The following ZNF432 variants were observed in gnomAD, a reference collection of about 807,000 sequenced individuals.
The protein encoded by ZNF432 is zinc finger protein 432.
ZNF432 carries 10 observed loss-of-function variants against 13.9 expected under a neutral mutation model. That is an observed-to-expected ratio of 0.72 (90% CI 0.44 to 1.22). ZNF432 has a LOEUF of 1.22. Ranked by LOEUF, ZNF432 falls within the 50% of genes most tolerant of loss-of-function variation. The pLI is 0.00. For synonymous variants in ZNF432, 247 were observed against 256.2 expected (o/e 0.96, Z 0.34); for missense variants, 793 against 796.2 (o/e 1.00, Z 0.05).
chr19:52,039,286 G>C (rs1171572390), intron 4 of ZNF432, among the ~76,000 whole-genome samples: 1 of 152,182 alleles, frequency 6.6e-6, no homozygotes, highest in Non-Finnish European at 1.5e-5. Context: ...AACGTTCATA[G>C]CAGCATGATT....
At chr19:52,037,417 A>G (rs755166331) in intron 4 of ZNF432, among the ~76,000 whole-genome samples, 14 of 152,338 alleles carry the variant, frequency 9.2e-5, no homozygotes, top group Middle Eastern at 3.4e-3. Flanking sequence ...CCAGTGTACC[A>G]TGTAGTTGCC....
At chr19:52,042,078 C>G (rs1038100359) in intron 2 of ZNF432, among the ~76,000 whole-genome samples, 2 of 151,850 alleles carry the variant, frequency 1.3e-5, no homozygotes, top group East Asian at 1.9e-4. Context: ...TAAAGAGTAA[C>G]CAAATTGGGA....
rs749222680 is a variant in ZNF432 at position 52,034,714 on chromosome 19, C to G, written c.965G>C (p.Cys322Ser). The G allele has an allele frequency of 3.7e-6, 6 of 1,613,984 alleles. No individual in the cohort carries two copies. The highest frequency in any genetic ancestry group is 5.1e-6 in the Non-Finnish European group (6 of 1,179,964). ...GCTCTTCCCAGTGAAGCCTTTTCCA[C>G]ATTCACTACATATATAGGATTTCTC... ...TGEKSYICSE[C>S]GKGFTGKSML... The change falls in exon 5 of 5, where the codon TGT becomes TCT. Residue 322 changes from cysteine (C) to serine (S), a missense_variant. Cys to Ser is a moderately radical substitution (Grantham distance 112). Coordinates refer to ENST00000221315, the MANE Select transcript of ZNF432 (RefSeq NM_014650.4).
chr19:52,043,281 G>T (rs997340122), intron 2 of ZNF432, among the ~76,000 whole-genome samples: 4 of 151,710 alleles, frequency 2.6e-5, no homozygotes, highest in South Asian at 2.1e-4. Context: ...CCGTGCTCTC[G>T]GAAACATGTG....
chr19:52,039,562 G>A (rs541131891), intron 4 of ZNF432, among the ~76,000 whole-genome samples: 50 of 152,176 alleles, frequency 3.3e-4, no homozygotes, highest in Admixed American at 5.9e-4. Context: ...GGCCAGGCAC[G>A]GTGGCTCACA....
chr19:52,034,229 G>A lies in ZNF432; in HGVS notation c.1450C>T (p.Pro484Ser), dbSNP rs1285531905. Reference protein sequence around the residue: ...VHQRTHTGEKPYRCSECGKGF... With the variant: ...VHQRTHTGEKSYRCSECGKGF... ...TTCCCACATTCACTGCACCTGTAAGGTTTCTCTCCAGTATGAGTTCGCTGA... is the reference window on the plus strand; with the variant it reads ...TTCCCACATTCACTGCACCTGTAAGATTTCTCTCCAGTATGAGTTCGCTGA... Residue 484 changes from proline to serine, a missense_variant, in exon 5 of 5, where the codon CCT (proline) becomes TCT (serine). By Grantham distance (74) the Pro-to-Ser change is moderately conservative (BLOSUM62 -1). Coordinates refer to ENST00000221315, the MANE Select transcript of ZNF432 (RefSeq NM_014650.4). 6.2e-7 allele frequency: 1 copy of A among 1,614,040 alleles called. No homozygotes were observed. Among genetic ancestry groups the A allele is most frequent in the Non-Finnish European group, 8.5e-7 (1 of 1,180,012 alleles).
In ZNF432 at chr19:52,034,697, C is replaced by T. The variant is rs781214287; in HGVS notation, c.982G>A (p.Gly328Arg). 1.2e-6 allele frequency: 2 copies of T among 1,613,452 alleles called. No individual in the cohort carries two copies. Reference protein sequence around the residue: ...ICSECGKGFTGKSMLIIHQRT... With the variant: ...ICSECGKGFTRKSMLIIHQRT... ...TGATGTATAATAAGCATGCTCTTCC[C>T]AGTGAAGCCTTTTCCACATTCACTA... The change falls in exon 5 of 5, where the codon GGG (glycine) becomes AGG (arginine). Residue 328 changes from glycine (G) to arginine (R), a missense_variant. Transcript: ENST00000221315.
At position 52,037,723 on chromosome 19, in the gene ZNF432, G is replaced by C. The variant is rs145288563; in HGVS notation, c.239-2283C>G. Reference sequence around the variant, plus strand: ...GAGGATCGCTTGAGCCCAGGAGGTTGAGGCTGCAGTGAGCCAAAATCGTGC... The same window carrying C: ...GAGGATCGCTTGAGCCCAGGAGGTTCAGGCTGCAGTGAGCCAAAATCGTGC... On this transcript the variant is annotated intron_variant, in intron 4 of 4. Coordinates refer to ENST00000221315, the MANE Select transcript of ZNF432 (RefSeq NM_014650.4). Among the ~76,000 whole-genome samples the C allele has an allele frequency of 2.1e-4, 31 of 150,276 alleles. No individual in the cohort carries two copies. In the East Asian group the frequency reaches 6.1e-3, roughly 30 times the overall value.
intron 4 of ZNF432, among the ~76,000 whole-genome samples, chr19:52,036,629 T>G (rs983018972): frequency 1.3e-5 from 2 of 152,096 alleles, no homozygotes; most frequent in African/African-American, 4.8e-5. Context: ...GAAGGCAGCA[T>G]GGAAATAATC....
intron 2 of ZNF432, among the ~76,000 whole-genome samples, chr19:52,045,287 T>C (rs573897663): frequency 1.3e-4 from 20 of 152,244 alleles, no homozygotes; most frequent in African/African-American, 4.6e-4. Flanking sequence ...CAAACATTTG[T>C]TGAAGCAGTA....
In ZNF432 at chr19:52,033,373, A is replaced by T. The variant is rs531117089; in HGVS notation, c.*347T>A. ...TTTCTCTCTGCATGAATTTGTTTGTATGTAATCAGTTCAGATTCTCTGCAA... is the reference window on the plus strand; with the variant it reads ...TTTCTCTCTGCATGAATTTGTTTGTTTGTAATCAGTTCAGATTCTCTGCAA... On this transcript the variant is annotated 3_prime_UTR_variant, in exon 5 of 5. Coordinates refer to ENST00000221315, the MANE Select transcript of ZNF432 (RefSeq NM_014650.4). The T allele has an allele frequency of 4.7e-6, 1 of 214,816 alleles. No homozygotes were observed. Among genetic ancestry groups the T allele is most frequent in the South Asian group, 9.5e-5 (1 of 10,478 alleles). The allele number at this position is 214,816 out of a possible 1,614,324, so 13.3% of individuals were successfully genotyped here. A position where few individuals can be genotyped will look rare whatever the true frequency, so the allele number is the denominator to read the frequency against.
chr19:52,040,558 T>A lies in ZNF432; in HGVS notation c.168A>T (p.Ala56=), dbSNP rs1319131944. The change falls in exon 4 of 5, where the codon GCA becomes GCT. Residue 56 remains alanine, a synonymous_variant. Coordinates refer to ENST00000221315, the MANE Select transcript of ZNF432 (RefSeq NM_014650.4). ...SMGYQVSKPD[A]LSKLERGEEP... is the part of the protein sequence containing the mutation. ...CTTCTCCTCGTTCCAACTTGGAGAG[T>A]GCATCTGGTTTGCTGACTTGATAAC... 1 of 1,613,948 alleles carries A rather than the reference T, an allele frequency of 6.2e-7. No homozygotes were observed. Among genetic ancestry groups the A allele is most frequent in the Non-Finnish European group, 8.5e-7 (1 of 1,179,982 alleles).
intron 1 of ZNF432, 29 bp from the exon 2 acceptor site, chr19:52,047,089 C>T (rs1251930769): frequency 6.4e-6 from 3 of 472,434 alleles, no homozygotes; most frequent in South Asian, 4.8e-5. Flanking sequence ...TTCAGGGGTA[C>T]ATTCACCTTA....
chr19:52,047,682 A>G (rs1309255126), intron 1 of ZNF432, among the ~76,000 whole-genome samples: 1 of 150,242 alleles, frequency 6.7e-6, no homozygotes, highest in Admixed American at 6.6e-5. Context: ...AAAAAAAAAA[A>G]AAAAATGTTT....
At chr19:52,045,314 A>G (rs2087170341) in intron 2 of ZNF432, among the ~76,000 whole-genome samples, 1 of 152,090 alleles carries the variant, frequency 6.6e-6, no homozygotes, top group African/African-American at 2.4e-5. Flanking sequence ...GATTAGGAAG[A>G]AAGTTATGAA....
chr19:52,044,149 C>A (rs922572296), intron 2 of ZNF432, among the ~76,000 whole-genome samples: 2 of 151,962 alleles, frequency 1.3e-5, no homozygotes, highest in Non-Finnish European at 2.9e-5. Flanking sequence ...GATTAATACA[C>A]AGAGAAAAGA....
At position 52,035,536 on chromosome 19, in the gene ZNF432, T is replaced by C. The variant is rs552477267; in HGVS notation, c.239-96A>G. 5 of 1,040,702 alleles carry C rather than the reference T, an allele frequency of 4.8e-6. No homozygotes were observed. The African/African-American group carries it at 4.9e-5, about 10-fold the overall frequency. The allele number at this position is 1,040,702 out of a possible 1,614,324, so 64.5% of individuals were successfully genotyped here. A position where few individuals can be genotyped will look rare whatever the true frequency, so the allele number is the denominator to read the frequency against. On this transcript the variant is annotated intron_variant, in intron 4 of 4. Transcript: ENST00000221315. Reference sequence around the variant, plus strand: ...AATCCTTGGTGTTTTATTTTGTTTATTATTATTATTTTTTGAGACAGAGTC... The same window carrying C: ...AATCCTTGGTGTTTTATTTTGTTTACTATTATTATTTTTTGAGACAGAGTC...
Position 52,046,904 on chromosome 19 carries a change from T to C in ZNF432, c.-36A>G. On this transcript the variant is annotated 5_prime_UTR_variant, in exon 2 of 5. Transcript: ENST00000221315. Reference sequence around the variant, plus strand: ...TGTGGGAAATGGCCAGCACCTGGGATACTCTGTCTTTGTCTCCTCTGGATC... The same window carrying C: ...TGTGGGAAATGGCCAGCACCTGGGACACTCTGTCTTTGTCTCCTCTGGATC... 5 of 1,611,630 alleles carry C rather than the reference T, an allele frequency of 3.1e-6. No homozygotes were observed. Among genetic ancestry groups the C allele is most frequent in the Non-Finnish European group, 4.2e-6 (5 of 1,178,856 alleles).
At position 52,034,036 on chromosome 19, in the gene ZNF432, T is replaced by C; in HGVS notation, c.1643A>G (p.Lys548Arg). ...GAGATAGCGTTTCATGGTGAAGCCTTTTCCACATTCACTGCACATAAAGGG... is the reference window on the plus strand; with the variant it reads ...GAGATAGCGTTTCATGGTGAAGCCTCTTCCACATTCACTGCACATAAAGGG... Reference protein sequence around the residue: ...EKPFMCSECGKGFTMKRYLIV... With the variant: ...EKPFMCSECGRGFTMKRYLIV... Residue 548 changes from lysine (K) to arginine (R), a missense_variant, in exon 5 of 5, where the codon AAA (lysine) becomes AGA (arginine). By Grantham distance (26) the Lys-to-Arg change is conservative. Transcript: ENST00000221315. 1 of 1,614,220 alleles carries C rather than the reference T, an allele frequency of 6.2e-7. No homozygotes were observed. Among genetic ancestry groups the C allele is most frequent in the Non-Finnish European group, 8.5e-7 (1 of 1,180,048 alleles).
Sources: allele counts gnomAD v4.1 joint callset (sites outside exome capture counted in the v4.1 genomes callset), GRCh38; gene constraint gnomAD v4.1.1; transcripts MANE v1.5; gene names NCBI Gene and HGNC (gene_info 2026-07-23, HGNC 2026-07-21).